PPIL3: variants seen among roughly 807,000 people sequenced by gnomAD.
The protein encoded by PPIL3 is peptidylprolyl isomerase like 3.
Under a neutral mutation model 20.9 loss-of-function variants are expected in PPIL3, and 13 were observed. The observed-to-expected ratio is 0.62, with a 90% CI of 0.40 to 0.99. The LOEUF (loss-of-function observed/expected upper bound fraction) is 0.99. PPIL3 is among the 50% of genes least tolerant of loss of function. PPIL3 has a pLI of 0.00. For missense variants in PPIL3, 170 were observed against 195.2 expected, an observed-to-expected ratio of 0.87 and a Z score of 0.77; for synonymous variants, 71 against 64.4, an observed-to-expected ratio of 1.10 and a Z score of -0.49.
chr2:200,885,529 G>C lies in PPIL3; in HGVS notation c.78+169C>G, dbSNP rs535234413. The C allele has an allele frequency of 6.9e-5, 40 of 583,738 alleles. 1 individual carries two copies. The South Asian group carries it at 8.6e-4, about 13-fold the overall frequency. 36.2% of individuals were successfully genotyped at this position (583,738 alleles called of 1,614,324 possible). A position where few individuals can be genotyped will look rare whatever the true frequency, so the allele number is the denominator to read the frequency against. On this transcript the variant is annotated intron_variant, in intron 3 of 6. Transcript: ENST00000392283. ...TCTACGTTCTCTTTGATCCACCTTTGACATTGGACAAATAAGTGGAAATCA... is the reference window on the plus strand; with the variant it reads ...TCTACGTTCTCTTTGATCCACCTTTCACATTGGACAAATAAGTGGAAATCA...
chr2:200,873,386 C>T (rs1171451566), intron 6 of PPIL3, among the ~76,000 whole-genome samples: 1 of 151,868 alleles, frequency 6.6e-6, no homozygotes, highest in African/African-American at 2.4e-5. Flanking sequence ...GATGGGATTT[C>T]ACCACATTGG....
chr2:200,876,869 G>A (rs1269814482), intron 6 of PPIL3, 50 bp downstream of exon 6: 1 of 1,307,346 alleles, frequency 7.6e-7, no homozygotes. Context: ...CTAAGCATAT[G>A]CACCACTTGC....
At chr2:200,872,383 C>A (rs545526430) in intron 6 of PPIL3, among the ~76,000 whole-genome samples, 52 of 152,120 alleles carry the variant, frequency 3.4e-4, no homozygotes, top group African/African-American at 1.0e-3. Flanking sequence ...AGCTCTCAAA[C>A]CCTGTTTAGG....
At chr2:200,872,387 G>C (rs1008052818) in intron 6 of PPIL3, among the ~76,000 whole-genome samples, 1 of 151,998 alleles carries the variant, frequency 6.6e-6, no homozygotes, top group Admixed American at 6.6e-5. Context: ...CTCAAACCCT[G>C]TTTAGGGTTT....
intron 6 of PPIL3, among the ~76,000 whole-genome samples, chr2:200,876,131 A>AATT (rs2039501529): frequency 6.6e-6 from 1 of 150,446 alleles, no homozygotes. Flanking sequence ...CTAAAAAAAA[A>AATT]GTGTTTTTTT....
At chr2:200,874,933 T>A (rs536262592) in intron 6 of PPIL3, among the ~76,000 whole-genome samples, 1 of 152,292 alleles carries the variant, frequency 6.6e-6, no homozygotes, top group South Asian at 2.1e-4. Context: ...TTCACTATGT[T>A]ACCTAGACTG....
intron 6 of PPIL3, among the ~76,000 whole-genome samples, chr2:200,872,566 T>C (rs796794539): frequency 6.6e-6 from 1 of 152,098 alleles, no homozygotes; most frequent in South Asian, 2.1e-4. Context: ...CAGCCCTCCA[T>C]ACTGAAGCTA....
At chr2:200,881,751 C>T (rs894617622) in intron 4 of PPIL3, 23 of 444,062 alleles carry the variant, frequency 5.2e-5, no homozygotes, top group African/African-American at 4.2e-4. Flanking sequence ...GTGTCTCATC[C>T]TTGTGCAGGG....
At chr2:200,875,351 T>C (rs1440137359) in intron 6 of PPIL3, among the ~76,000 whole-genome samples, 2 of 151,892 alleles carry the variant, frequency 1.3e-5, no homozygotes, top group Admixed American at 6.6e-5. Context: ...CACTGCAATC[T>C]CCACCTCCAG....
chr2:200,877,172 G>T, intron 5 of PPIL3, 135 bp from the exon 6 acceptor site: 1 of 629,816 alleles, frequency 1.6e-6, no homozygotes, highest in Non-Finnish European at 2.8e-6. Context: ...TGTTGCTCAG[G>T]CTGGTCTCTA....
At chr2:200,888,783 C>G (rs542865450) in intron 1 of PPIL3, among the ~76,000 whole-genome samples, 173 bp downstream of exon 1, 1 of 152,174 alleles carries the variant, frequency 6.6e-6, no homozygotes, top group Non-Finnish European at 1.5e-5. Context: ...GCCTCGGCCT[C>G]CCGAAGTGCT....
rs1043793491 is a variant in PPIL3, at chr2:200,878,581, G to A, written c.241-1544C>T. ...ATTTTTTAACTTTTAGTAGAGATGA[G>A]GGCTCAATATGTTGCTCAGGCTGAT... On this transcript the variant is annotated intron_variant, in intron 5 of 6. Coordinates refer to ENST00000392283, the MANE Select transcript of PPIL3 (RefSeq NM_130906.3). Among the ~76,000 whole-genome samples the A allele has an allele frequency of 2.0e-5, 3 of 151,738 alleles. No homozygotes were observed. In the East Asian group the frequency reaches 5.8e-4, roughly 29 times the overall value.
Position 200,871,526 on chromosome 2 carries a change from A to G in PPIL3, c.360-5T>C. 6.2e-7 allele frequency: 1 copy of G among 1,609,262 alleles called. No individual in the cohort carries two copies. Reference sequence around the variant, plus strand: ...GTTTCCAGACCATCTATTACCCTGAAAGAGAAACAACATAACATATGAAAA... The same window carrying G: ...GTTTCCAGACCATCTATTACCCTGAGAGAGAAACAACATAACATATGAAAA... On this transcript the variant is annotated splice_polypyrimidine_tract_variant and splice_region_variant and intron_variant, in intron 6 of 6. Coordinates refer to ENST00000392283, the MANE Select transcript of PPIL3 (RefSeq NM_130906.3).
At chr2:200,879,162 A>T (rs1354511773) in intron 5 of PPIL3, among the ~76,000 whole-genome samples, 1 of 151,916 alleles carries the variant, frequency 6.6e-6, no homozygotes, top group African/African-American at 2.4e-5. Context: ...TCTGTCGCCC[A>T]GACTGGAGTG....
intron 6 of PPIL3, among the ~76,000 whole-genome samples, chr2:200,872,581 G>A (rs1193046901): frequency 6.6e-6 from 1 of 151,988 alleles, no homozygotes; most frequent in African/African-American, 2.4e-5. Context: ...AAGCTATCTA[G>A]AACCCCACCA....
chr2:200,884,626 T>C (rs572728396), intron 3 of PPIL3, among the ~76,000 whole-genome samples: 1 of 150,520 alleles, frequency 6.6e-6, no homozygotes, highest in African/African-American at 2.5e-5. Flanking sequence ...TGTAGTCCTA[T>C]CTACTTGGGA....
At chr2:200,873,347 G>A (rs1311387106) in intron 6 of PPIL3, among the ~76,000 whole-genome samples, 1 of 151,862 alleles carries the variant, frequency 6.6e-6, no homozygotes, top group Non-Finnish European at 1.5e-5. Flanking sequence ...ATGCCCCCAT[G>A]CCCAGCTAAT....
At chr2:200,881,990 G>A (rs569186902) in intron 4 of PPIL3, among the ~76,000 whole-genome samples, 23 of 152,248 alleles carry the variant, frequency 1.5e-4, no homozygotes, top group African/African-American at 5.1e-4. Flanking sequence ...ACCAAACACC[G>A]CATATTCTCA....
At chr2:200,873,156 C>G (rs933814974) in intron 6 of PPIL3, among the ~76,000 whole-genome samples, 1 of 151,856 alleles carries the variant, frequency 6.6e-6, no homozygotes, top group Admixed American at 6.6e-5. Context: ...CATGAGCCAC[C>G]AAGCCCAGCA....
Sources: allele counts gnomAD v4.1 joint callset (sites outside exome capture counted in the v4.1 genomes callset), GRCh38; gene constraint gnomAD v4.1.1; transcripts MANE v1.5; gene names NCBI Gene and HGNC (gene_info 2026-07-23, HGNC 2026-07-21).